The following ERC2 variants were observed in gnomAD, a reference collection of about 807,000 sequenced individuals.
ERC2 encodes ELKS/RAB6-interacting/CAST family member 2.
Under a neutral mutation model 114.8 loss-of-function variants are expected in ERC2, and 42 were observed. That is an observed-to-expected ratio of 0.37 (90% CI 0.29 to 0.47). The LOEUF (loss-of-function observed/expected upper bound fraction) is 0.47. ERC2 is among the 20% of genes least tolerant of loss of function. ERC2 has a pLI of 0.99. For missense variants in ERC2, 939 were observed against 1,150.7 expected (o/e 0.82, Z 2.66); for synonymous variants, 454 against 425.5 (o/e 1.07, Z -0.82).
chr3:56,446,483 C>G (rs1016800274), intron 1 of ERC2, among the ~76,000 whole-genome samples: 11 of 152,010 alleles, frequency 7.2e-5, no homozygotes, highest in African/African-American at 2.4e-4. Flanking sequence ...GGTTCCCCAC[C>G]GGCAGATGCT....
chr3:55,695,184 A>G (rs80276892), intron 16 of ERC2, among the ~76,000 whole-genome samples: 148 of 152,322 alleles, frequency 9.7e-4, no homozygotes, highest in African/African-American at 3.3e-3. Context: ...AATCTTGGTA[A>G]CCTAAGAAAA....
chr3:56,207,284 T>TA (rs934593131), intron 3 of ERC2, among the ~76,000 whole-genome samples: 2 of 152,036 alleles, frequency 1.3e-5, no homozygotes, highest in South Asian at 2.1e-4. Flanking sequence ...TTTTTTAAAT[T>TA]AAAAAAACAC....
intron 9 of ERC2, among the ~76,000 whole-genome samples, chr3:56,008,960 G>C (rs1032260787): frequency 6.6e-6 from 1 of 152,132 alleles, no homozygotes; most frequent in African/African-American, 2.4e-5. Context: ...TTAATCTGTA[G>C]AAAATGTTTA....
At chr3:56,193,917 G>T (rs751891993) in intron 3 of ERC2, among the ~76,000 whole-genome samples, 25 of 152,114 alleles carry the variant, frequency 1.6e-4, no homozygotes, top group Non-Finnish European at 1.3e-4. Flanking sequence ...GGTCCTATTT[G>T]GTCTTTATAA....
chr3:55,751,490 T>C (rs1212174558), intron 14 of ERC2, among the ~76,000 whole-genome samples: 1 of 152,214 alleles, frequency 6.6e-6, no homozygotes, highest in Non-Finnish European at 1.5e-5. Flanking sequence ...TTGTTCATTT[T>C]GTTGGATTTT....
At chr3:56,153,149 C>T (rs1307727129) in intron 4 of ERC2, among the ~76,000 whole-genome samples, 1 of 152,056 alleles carries the variant, frequency 6.6e-6, no homozygotes, top group Non-Finnish European at 1.5e-5. Context: ...ACAAGGAGTT[C>T]TCTCATTCAT....
intron 2 of ERC2, among the ~76,000 whole-genome samples, chr3:56,341,788 T>A (rs2058099902): frequency 6.6e-6 from 1 of 152,172 alleles, no homozygotes; most frequent in Non-Finnish European, 1.5e-5. Flanking sequence ...CTTCTAATTA[T>A]TGGTGATCCC....
At chr3:55,645,736 G>T (rs1234162494) in intron 17 of ERC2, among the ~76,000 whole-genome samples, 1 of 152,176 alleles carries the variant, frequency 6.6e-6, no homozygotes, top group Non-Finnish European at 1.5e-5. Flanking sequence ...GGGCTAATTT[G>T]ATAAGTGGTC....
intron 7 of ERC2, among the ~76,000 whole-genome samples, chr3:56,035,551 A>G (rs1328274582): frequency 6.6e-6 from 1 of 152,234 alleles, no homozygotes; most frequent in Non-Finnish European, 1.5e-5. Flanking sequence ...TGTTTAAGTC[A>G]TGAAGGTTCT....
chr3:56,220,696 A>C (rs1015457292), intron 3 of ERC2, among the ~76,000 whole-genome samples: 2 of 152,256 alleles, frequency 1.3e-5, no homozygotes, highest in Non-Finnish European at 2.9e-5. Context: ...GCCACAGAGA[A>C]TATCACTAGC....
chr3:55,721,535 CTT>C (rs984261123), intron 15 of ERC2, among the ~76,000 whole-genome samples: 1 of 152,240 alleles, frequency 6.6e-6, no homozygotes, highest in Non-Finnish European at 1.5e-5. Context: ...TAGCTTCTCT[CTT>C]TTACTTTACA....
At chr3:56,047,372 T>C (rs917722562) in intron 7 of ERC2, among the ~76,000 whole-genome samples, 3 of 152,208 alleles carry the variant, frequency 2.0e-5, no homozygotes, top group African/African-American at 7.2e-5. Flanking sequence ...TATCCATAGG[T>C]GCCATACTGC....
intron 10 of ERC2, among the ~76,000 whole-genome samples, chr3:56,006,709 G>A (rs2072522570): frequency 6.6e-6 from 1 of 152,042 alleles, no homozygotes; most frequent in East Asian, 1.9e-4. Context: ...ATTCTACAGA[G>A]ATGGGACTTG....
At chr3:55,893,253 C>T (rs1330839490) in intron 13 of ERC2, among the ~76,000 whole-genome samples, 1 of 152,064 alleles carries the variant, frequency 6.6e-6, no homozygotes, top group South Asian at 2.1e-4. Context: ...GAACTTATTC[C>T]CCTGTTTATT....
intron 4 of ERC2, among the ~76,000 whole-genome samples, chr3:56,156,157 A>G (rs2081708132): frequency 6.6e-6 from 1 of 152,216 alleles, no homozygotes; most frequent in Non-Finnish European, 1.5e-5. Context: ...AATCAAGGAT[A>G]GAGAAAAGGG....
At chr3:55,586,622 T>G (rs2057618300) in intron 17 of ERC2, among the ~76,000 whole-genome samples, 2 of 152,206 alleles carry the variant, frequency 1.3e-5, no homozygotes, top group Non-Finnish European at 2.9e-5. Flanking sequence ...AATCTAATGA[T>G]CCAAACATTT....
rs1014490894 is a variant in ERC2, at chr3:55,981,012, A to C, written c.2267+4965T>G. On this transcript the variant is annotated intron_variant, in intron 12 of 17. Transcript: ENST00000288221. ...AAAGAGAAAAACAACATGCAGCATA[A>C]AGCCCTAGTTCTATAAATCGGAGCT... is the stretch of plus-strand genomic sequence containing the variant. Among the ~76,000 whole-genome samples, 4 of 152,262 alleles carry C rather than the reference A, an allele frequency of 2.6e-5. No individual in the cohort carries two copies. The East Asian group carries it at 5.8e-4, about 22-fold the overall frequency.
chr3:56,036,158 C>A (rs562325963), intron 7 of ERC2, among the ~76,000 whole-genome samples: 3 of 152,168 alleles, frequency 2.0e-5, no homozygotes, highest in South Asian at 4.2e-4. Flanking sequence ...AAAATTTATC[C>A]TTTCATGATA....
chr3:56,127,070 T>A (rs1447153690), intron 6 of ERC2, among the ~76,000 whole-genome samples: 3 of 151,958 alleles, frequency 2.0e-5, no homozygotes, highest in Non-Finnish European at 4.4e-5. Context: ...ACAATCCCAT[T>A]TACAATAGCT....
Sources: gnomAD v4.1 joint callset for allele counts (sites outside exome capture counted in the v4.1 genomes callset) on GRCh38, gnomAD v4.1.1 for gene constraint, MANE v1.5 for transcripts, NCBI Gene and HGNC (gene_info 2026-07-23, HGNC 2026-07-21) for gene names.